Variants in ZNF57 observed in about 807,000 individuals in gnomAD.
The protein encoded by ZNF57 is zinc finger protein 57.
Under a neutral mutation model 13.4 loss-of-function variants are expected in ZNF57, and 11 were observed. The ratio of observed to expected loss-of-function variants is 0.82; its 90% CI spans 0.52 to 1.36. ZNF57 has a LOEUF of 1.36. Among genes scored for constraint, ZNF57 ranks in the 40% most tolerant of loss-of-function variants. The pLI is 0.00. For missense variants in ZNF57, 696 were observed against 667.5 expected (o/e 1.04, Z -0.47); for synonymous variants, 224 against 238.5 (o/e 0.94, Z 0.56).
At position 2,917,923 on chromosome 19, in the gene ZNF57, G is replaced by A. The variant is rs757710494; in HGVS notation, c.1302G>A (p.Thr434=). The change falls in exon 4 of 4, where the codon ACG becomes ACA. Residue 434 remains threonine, a synonymous_variant. Transcript: ENST00000306908. ...GAAAAACCTTCACTTGGTCCTCAAC[G>A]TTTAGAGAACATGTGAGAATTCACA... ...QCGKTFTWSS[T]FREHVRIHTQ... The A allele has an allele frequency of 5.4e-5, 86 of 1,606,260 alleles. 1 individual carries two copies. The highest frequency in any genetic ancestry group is 2.4e-4 in the Admixed American group (14 of 59,130).
In ZNF57 at chr19:2,918,011, C is replaced by T. The variant is rs753864860; in HGVS notation, c.1390C>T (p.Gln464Ter). 6.2e-7 allele frequency: 1 copy of T among 1,613,884 alleles called. No individual in the cohort carries two copies. Among genetic ancestry groups the T allele is most frequent in the Admixed American group, 1.7e-5 (1 of 59,948 alleles). ...GGCCTTTACCTCTTCCAGAGCATTC[C>T]AAGGTCATTTGAGGATGCACACTGG... is the stretch of plus-strand genomic sequence containing the variant. ...GKAFTSSRAF[Q>*]GHLRMHTGEK... The change falls in exon 4 of 4, where the codon CAA becomes TAA. Residue 464 changes from glutamine to a stop codon, truncating the protein, a stop_gained. Coordinates refer to ENST00000306908, the MANE Select transcript of ZNF57 (RefSeq NM_173480.3). LOFTEE classifies it low-confidence loss of function (END_TRUNC).
chr19:2,907,985 A>T (rs962605198), intron 1 of ZNF57, among the ~76,000 whole-genome samples: 1 of 152,188 alleles, frequency 6.6e-6, no homozygotes, highest in Non-Finnish European at 1.5e-5. Flanking sequence ...AAATGCTGGG[A>T]TTATGGGCAT....
intron 1 of ZNF57, among the ~76,000 whole-genome samples, chr19:2,909,040 C>G (rs1276390768): frequency 6.6e-6 from 1 of 152,034 alleles, no homozygotes; most frequent in Non-Finnish European, 1.5e-5. Flanking sequence ...GAGCTCCATT[C>G]CTTACATGGC....
chr19:2,908,749 C>T (rs553869143), intron 1 of ZNF57, among the ~76,000 whole-genome samples: 1 of 152,162 alleles, frequency 6.6e-6, no homozygotes, highest in Admixed American at 6.5e-5. Context: ...CCACAGTCAA[C>T]TTGAGGACAT....
At chr19:2,907,222 G>A (rs1374817790) in intron 1 of ZNF57, 1 of 152,166 alleles carries the variant, frequency 6.6e-6, no homozygotes, top group Non-Finnish European at 1.5e-5. Context: ...GGCTTGCTCT[G>A]GCCGTGGGTG....
intron 1 of ZNF57, among the ~76,000 whole-genome samples, chr19:2,909,271 A>ATTTTTTTTTT (rs2088108223): frequency 8.3e-6 from 1 of 120,566 alleles, no homozygotes; most frequent in Non-Finnish European, 1.8e-5. Flanking sequence ...ATTTTATTTT[A>ATTTTTTTTTT]TTTATTTTTG....
At chr19:2,911,586 A>G (rs1287248191) in intron 1 of ZNF57, among the ~76,000 whole-genome samples, 23 of 151,502 alleles carry the variant, frequency 1.5e-4, no homozygotes, top group Admixed American at 1.4e-3. Flanking sequence ...GGGTGTCACT[A>G]TGTTGCCCAG....
intron 2 of ZNF57, 142 bp downstream of exon 2, chr19:2,915,790 C>T: frequency 1.5e-6 from 2 of 1,335,320 alleles, no homozygotes; most frequent in South Asian, 1.2e-5. Flanking sequence ...AGTCATTATT[C>T]CCTAACAGTG....
In ZNF57 at chr19:2,917,159, C is replaced by G. The variant is rs1023540550; in HGVS notation, c.538C>G (p.Pro180Ala). ...GEECKQACIC[P>A]SHLHSHGRTD... ...GGAATGTAAGCAGGCCTGCATTTGT[C>G]CCTCACACCTACACAGTCACGGAAG... The change falls in exon 4 of 4, where the codon CCC becomes GCC. Residue 180 changes from proline to alanine, a missense_variant. Transcript: ENST00000306908. The G allele has an allele frequency of 6.2e-7, 1 of 1,614,102 alleles. No individual in the cohort carries two copies. The highest frequency in any genetic ancestry group is 1.7e-5 in the Admixed American group (1 of 60,022).
At position 2,917,755 on chromosome 19, in the gene ZNF57, G is replaced by A. The variant is rs764935606; in HGVS notation, c.1134G>A (p.Thr378=). ...GGAAAGCCTTCACTTGGTCCTCAAC[G>A]TTTAGAGAACATGTGAGAATTCACA... ...QCGKAFTWSS[T]FREHVRIHTQ... Residue 378 remains threonine (T), a synonymous_variant, in exon 4 of 4, where the codon ACG becomes ACA. Coordinates refer to ENST00000306908, the MANE Select transcript of ZNF57 (RefSeq NM_173480.3). The A allele has an allele frequency of 3.1e-5, 50 of 1,611,294 alleles. No homozygotes were observed. The highest frequency in any genetic ancestry group is 3.3e-4 in the Middle Eastern group (2 of 6,052).
Position 2,915,597 on chromosome 19 carries a change from G to C in ZNF57, c.79G>C (p.Asp27His). 4 of 1,614,062 alleles carry C rather than the reference G, an allele frequency of 2.5e-6. No homozygotes were observed. The South Asian group carries it at 4.4e-5, about 18-fold the overall frequency. Residue 27 changes from aspartate to histidine, a missense_variant, in exon 2 of 4, where the codon GAC becomes CAC. Asp to His is a moderately conservative substitution (Grantham distance 81). Transcript: ENST00000306908. Reference sequence around the variant, plus strand: ...GGCTTTGCTGGATTCTGCTCAGAGGGACCTCTACAGAGATGTGATGCTGGA... The same window carrying C: ...GGCTTTGCTGGATTCTGCTCAGAGGCACCTCTACAGAGATGTGATGCTGGA... ...EWALLDSAQR[D>H]LYRDVMLETF...
At chr19:2,902,285 C>G (rs1360642455) in intron 1 of ZNF57, among the ~76,000 whole-genome samples, 1 of 152,086 alleles carries the variant, frequency 6.6e-6, no homozygotes, top group Non-Finnish European at 1.5e-5. Context: ...GCTGTGAAAG[C>G]TTTATTCGGG....
intron 1 of ZNF57, among the ~76,000 whole-genome samples, chr19:2,911,713 C>T (rs530032028): frequency 5.9e-5 from 9 of 152,274 alleles, no homozygotes; most frequent in African/African-American, 1.9e-4. Context: ...TGTCTTCAGG[C>T]TCAGAGTCTT....
intron 1 of ZNF57, chr19:2,907,297 A>G (rs753839336): frequency 2.0e-5 from 3 of 152,050 alleles, no homozygotes; most frequent in Admixed American, 6.6e-5. Context: ...AATATGAACA[A>G]AGTGGTGGGG....
At chr19:2,911,174 T>TA (rs1277077862) in intron 1 of ZNF57, among the ~76,000 whole-genome samples, 1 of 152,052 alleles carries the variant, frequency 6.6e-6, no homozygotes, top group African/African-American at 2.4e-5. Context: ...GCCATCCTGT[T>TA]ACCTCAGCTT....
intron 1 of ZNF57, among the ~76,000 whole-genome samples, chr19:2,903,104 G>C (rs1450477081): frequency 6.6e-6 from 1 of 152,248 alleles, no homozygotes; most frequent in Non-Finnish European, 1.5e-5. Context: ...AGGCTGCTGA[G>C]CATGGGAAAG....
chr19:2,912,577 CT>C (rs199972489), intron 1 of ZNF57, among the ~76,000 whole-genome samples: 1,879 of 152,294 alleles, frequency 0.012, 34 homozygotes, highest in African/African-American at 0.043. Flanking sequence ...CAGAGCTTGC[CT>C]TGTGACATCA....
intron 1 of ZNF57, among the ~76,000 whole-genome samples, chr19:2,905,093 G>T (rs2088061067): frequency 6.6e-6 from 1 of 152,096 alleles, no homozygotes. Context: ...ATATATTCAT[G>T]CACCATAAAC....
chr19:2,916,464 G>A, intron 3 of ZNF57: 1 of 411,318 alleles, frequency 2.4e-6, no homozygotes, highest in Middle Eastern at 6.9e-4. Flanking sequence ...TGTAATCCCA[G>A]CACTTTGGGA....
Sources: allele counts gnomAD v4.1 joint callset (sites outside exome capture counted in the v4.1 genomes callset), GRCh38; gene constraint gnomAD v4.1.1; transcripts MANE v1.5; gene names NCBI Gene and HGNC (gene_info 2026-07-23, HGNC 2026-07-21).